UNC5D: variants seen among roughly 807,000 people sequenced by gnomAD.
UNC5D encodes the protein unc-5 netrin receptor D.
Under a neutral mutation model 105.4 loss-of-function variants are expected in UNC5D, and 39 were observed. The ratio of observed to expected loss-of-function variants is 0.37; its 90% CI spans 0.29 to 0.48. The LOEUF is 0.48. Among genes scored for constraint, UNC5D ranks in the 20% least tolerant of loss-of-function variants. UNC5D has a pLI of 0.98. For synonymous variants in UNC5D, 452 were observed against 450.4 expected, an observed-to-expected ratio of 1.00 and a Z score of -0.04; for missense variants, 991 against 1,202.4, an observed-to-expected ratio of 0.82 and a Z score of 2.60.
intron 4 of UNC5D, among the ~76,000 whole-genome samples, chr8:35,613,924 T>A (rs1820854522): frequency 6.6e-6 from 1 of 152,198 alleles, no homozygotes; most frequent in African/African-American, 2.4e-5. Flanking sequence ...CTTTGACAAA[T>A]ATTTGAAAGT....
In UNC5D at chr8:35,596,530, C is replaced by T. The variant is rs147659575; in HGVS notation, c.570+873C>T. On this transcript the variant is annotated intron_variant, in intron 4 of 16. Transcript: ENST00000404895. ...ATTTTGCCAAGGTTGAGGATGCGTG[C>T]CCATGACACAGCCTCGGGAGGTCCT... 1.5e-3 allele frequency among the ~76,000 whole-genome samples: 224 copies of T among 152,218 alleles called. 3 individuals carry two copies. The East Asian group carries it at 0.04, about 27-fold the overall frequency.
rs1563773259 is a variant in UNC5D at position 35,795,867 on chromosome 8, C to T, written c.*5304C>T. 6.6e-6 allele frequency: 1 copy of T among 152,176 alleles called. No individual in the cohort carries two copies. The highest frequency in any genetic ancestry group is 1.5e-5 in the Non-Finnish European group (1 of 68,034). The allele number at this position is 152,176 out of a possible 1,614,324, so 9.4% of individuals were successfully genotyped here. On this transcript the variant is annotated 3_prime_UTR_variant, in exon 17 of 17. Coordinates refer to ENST00000404895, the MANE Select transcript of UNC5D (RefSeq NM_080872.4). ...CATAATCATGTCTGATTGGTACATACACTCCAGGAAGTCTCAACCTAGAAA... is the reference window on the plus strand; with the variant it reads ...CATAATCATGTCTGATTGGTACATATACTCCAGGAAGTCTCAACCTAGAAA...
intron 1 of UNC5D, among the ~76,000 whole-genome samples, chr8:35,323,188 CTT>C (rs67076001): frequency 1.1e-3 from 144 of 125,934 alleles, no homozygotes; most frequent in African/African-American, 4.0e-3. Context: ...TTTTCTTTTT[CTT>C]TTTTTTTTTT....
intron 4 of UNC5D, among the ~76,000 whole-genome samples, chr8:35,639,920 C>G (rs909096515): frequency 6.6e-6 from 1 of 151,574 alleles, no homozygotes; most frequent in African/African-American, 2.4e-5. Context: ...GTGATGAGGT[C>G]TCATTTATTG....
At chr8:35,748,387 A>G (rs1321377631) in intron 11 of UNC5D, 140 bp from the exon 12 acceptor site, 1 of 841,732 alleles carries the variant, frequency 1.2e-6, no homozygotes, top group Non-Finnish European at 1.8e-6. Context: ...TGTTCTCCAG[A>G]CCAGTCCTTT....
At chr8:35,765,022 A>T (rs1281225693) in intron 14 of UNC5D, among the ~76,000 whole-genome samples, 1 of 152,218 alleles carries the variant, frequency 6.6e-6, no homozygotes, top group Non-Finnish European at 1.5e-5. Context: ...GTATTAGAAA[A>T]CCAGTCAGGT....
intron 1 of UNC5D, among the ~76,000 whole-genome samples, chr8:35,451,714 T>C (rs1330116892): frequency 6.6e-6 from 1 of 152,206 alleles, no homozygotes; most frequent in Non-Finnish European, 1.5e-5. Context: ...TGTCCTCTGA[T>C]TACTGCATAC....
At position 35,443,880 on chromosome 8, in the gene UNC5D, T is replaced by G. The variant is rs1043761463; in HGVS notation, c.104-105412T>G. Among the ~76,000 whole-genome samples, 4 of 151,916 alleles carry G rather than the reference T, an allele frequency of 2.6e-5. No homozygotes were observed. The East Asian group carries it at 7.8e-4, about 29-fold the overall frequency. On this transcript the variant is annotated intron_variant, in intron 1 of 16. Transcript: ENST00000404895. ...TTTTAATGAGAACAGAATCAGAAATTGTATGCTATTTGTAAATCCTCTTAA... is the reference window on the plus strand; with the variant it reads ...TTTTAATGAGAACAGAATCAGAAATGGTATGCTATTTGTAAATCCTCTTAA...
chr8:35,339,960 T>C (rs1315283491), intron 1 of UNC5D, among the ~76,000 whole-genome samples: 2 of 152,186 alleles, frequency 1.3e-5, no homozygotes, highest in African/African-American at 4.8e-5. Context: ...TCTACAAATC[T>C]TTCACAAAAC....
intron 16 of UNC5D, among the ~76,000 whole-genome samples, chr8:35,782,613 C>G (rs1044187831): frequency 6.6e-6 from 1 of 151,558 alleles, no homozygotes; most frequent in Non-Finnish European, 1.5e-5. Context: ...AAGCAATTCT[C>G]CTGCCTCAGC....
At chr8:35,753,904 G>C (rs980339684) in intron 13 of UNC5D, among the ~76,000 whole-genome samples, 2 of 152,180 alleles carry the variant, frequency 1.3e-5, no homozygotes, top group African/African-American at 4.8e-5. Context: ...CTTAGTTTCT[G>C]GGTTTTGTTT....
chr8:35,691,822 G>C (rs1000502027), intron 7 of UNC5D, among the ~76,000 whole-genome samples: 1 of 152,148 alleles, frequency 6.6e-6, no homozygotes, highest in Non-Finnish European at 1.5e-5. Context: ...GGAAGAGAAA[G>C]GTGAAAATAG....
In UNC5D at chr8:35,235,532, G is replaced by A. The variant is rs970643068; in HGVS notation, c.-253G>A. ...CTGGGAACTGCGCGGCGGGGACTGCGGGCGACTCCGGCATCCGCGCTGGCG... is the reference window on the plus strand; with the variant it reads ...CTGGGAACTGCGCGGCGGGGACTGCAGGCGACTCCGGCATCCGCGCTGGCG... On this transcript the variant is annotated 5_prime_UTR_variant, in exon 1 of 17. Coordinates refer to ENST00000404895, the MANE Select transcript of UNC5D (RefSeq NM_080872.4). 8 of 344,568 alleles carry A rather than the reference G, an allele frequency of 2.3e-5. No individual in the cohort carries two copies. The highest frequency in any genetic ancestry group is 4.2e-5 in the Non-Finnish European group (8 of 192,174). The allele number at this position is 344,568 out of a possible 1,614,324, so 21.3% of individuals were successfully genotyped here. A position where few individuals can be genotyped will look rare whatever the true frequency, so the allele number is the denominator to read the frequency against.
chr8:35,374,880 A>C (rs111848947), intron 1 of UNC5D, among the ~76,000 whole-genome samples: 2 of 152,348 alleles, frequency 1.3e-5, no homozygotes, highest in Non-Finnish European at 2.9e-5. Context: ...AGGAGGTAAG[A>C]CTAGTTTTAA....
At chr8:35,259,517 TATTACTCTAGATGCAGTA>T (rs1804301191) in intron 1 of UNC5D, among the ~76,000 whole-genome samples, 1 of 152,174 alleles carries the variant, frequency 6.6e-6, no homozygotes, top group South Asian at 2.1e-4. Context: ...TGCTATATAT[TATTACTCTAGATGCAGTA>T]ACTACTCCCC....
At chr8:35,242,621 G>T (rs1296755010) in intron 1 of UNC5D, among the ~76,000 whole-genome samples, 1 of 152,110 alleles carries the variant, frequency 6.6e-6, no homozygotes, top group Admixed American at 6.5e-5. Context: ...GGGATTACAG[G>T]CATGCACCAT....
intron 1 of UNC5D, among the ~76,000 whole-genome samples, chr8:35,333,914 A>G (rs954904239): frequency 6.6e-6 from 1 of 152,184 alleles, no homozygotes; most frequent in Non-Finnish European, 1.5e-5. Context: ...CAGTGTTCAA[A>G]TTTTAGAAAC....
chr8:35,355,512 A>T (rs933313368), intron 1 of UNC5D, among the ~76,000 whole-genome samples: 18 of 152,138 alleles, frequency 1.2e-4, no homozygotes, highest in African/African-American at 4.3e-4. Context: ...GCCTTTTGAA[A>T]GTAGCTTACT....
At chr8:35,521,006 G>A (rs1813424837) in intron 1 of UNC5D, among the ~76,000 whole-genome samples, 1 of 152,124 alleles carries the variant, frequency 6.6e-6, no homozygotes, top group Non-Finnish European at 1.5e-5. Flanking sequence ...GTGGAACAGT[G>A]TATGTTTATA....
Sources: allele counts gnomAD v4.1 joint callset (sites outside exome capture counted in the v4.1 genomes callset), GRCh38; gene constraint gnomAD v4.1.1; transcripts MANE v1.5; gene names NCBI Gene and HGNC (gene_info 2026-07-23, HGNC 2026-07-21).